The following RGL1 variants were observed in gnomAD, a reference collection of about 807,000 sequenced individuals.
The protein encoded by RGL1 is ral guanine nucleotide dissociation stimulator-like 1.
In RGL1, 24 loss-of-function variants were observed where a neutral mutation model predicts 95.2. That is an observed-to-expected ratio of 0.25 (90% CI 0.18 to 0.35). The LOEUF (loss-of-function observed/expected upper bound fraction) is 0.35. Among genes scored for constraint, RGL1 ranks in the 10% least tolerant of loss-of-function variants. The pLI is 1.00. For missense variants in RGL1, 715 were observed against 936.3 expected, an observed-to-expected ratio of 0.76 and a Z score of 3.08; for synonymous variants, 329 against 344.9, an observed-to-expected ratio of 0.95 and a Z score of 0.51.
rs549333734 is a variant in RGL1, at chr1:183,925,824, C to T, written c.2120-281C>T. Among the ~76,000 whole-genome samples, 135 of 152,250 alleles carry T rather than the reference C, an allele frequency of 8.9e-4. No individual in the cohort carries two copies. In the Middle Eastern group the frequency reaches 0.01, roughly 12 times the overall value. The stretch of plus-strand genomic sequence containing the variant: ...CTTTAACTTTTCTTGGCCTCTGTTT[C>T]CTACTGTACTTTTTTTCTAGTTTTA... On this transcript the variant is annotated intron_variant, in intron 17 of 17. Coordinates refer to ENST00000360851, the MANE Select transcript of RGL1 (RefSeq NM_001297671.3).
rs1572264826 is a variant in RGL1, at chr1:183,679,122, A to T, written c.-33+42621A>T. ...TGAGATGTGAGGGTCAGGTTGCTTC[A>T]GCAGAGCCTAAAACTTAGTCTTTCC... On this transcript the variant is annotated intron_variant, in intron 1 of 18. Coordinates refer to the RGL1 transcript ENST00000304685. Among the ~76,000 whole-genome samples the T allele has an allele frequency of 3.3e-5, 5 of 152,358 alleles. No homozygotes were observed. In the South Asian group the frequency reaches 1.0e-3, roughly 32 times the overall value.
chr1:183,767,228 C>CAAAAAAAA (rs11300092), intron 2 of RGL1, among the ~76,000 whole-genome samples: 1 of 102,304 alleles, frequency 9.8e-6, no homozygotes, highest in Non-Finnish European at 2.0e-5. Flanking sequence ...GACCCTGTCT[C>CAAAAAAAA]AAAAAAAAAA....
chr1:183,655,417 A>C (rs1214191005), intron 1 of RGL1, among the ~76,000 whole-genome samples: 9 of 152,246 alleles, frequency 5.9e-5, no homozygotes. Context: ...TCACTTTAGT[A>C]GCAGTTTGGT....
chr1:183,892,092 G>A lies in RGL1; in HGVS notation c.1071G>A (p.Met357Ile), dbSNP rs1408706386. ...WAAVPRDRML[M>I]FEELSDIFSD... ...CTTTTCATAGGGACCGAATGCTGAT[G>A]TTTGAAGAACTTTCAGATATCTTCT... Residue 357 changes from methionine (M) to isoleucine (I), a missense_variant, in exon 9 of 18, where the codon ATG becomes ATA. Met to Ile is a conservative substitution (Grantham distance 10). This residue lies in a region of RGL1 where 381 missense variants were observed against 484.8 expected (regional missense o/e 0.79). Transcript: ENST00000360851. The A allele has an allele frequency of 1.2e-6, 2 of 1,612,262 alleles. No homozygotes were observed. Among genetic ancestry groups the A allele is most frequent in the Non-Finnish European group, 1.7e-6 (2 of 1,178,902 alleles).
intron 2 of RGL1, among the ~76,000 whole-genome samples, chr1:183,785,985 G>A (rs1660137422): frequency 6.6e-6 from 1 of 151,912 alleles, no homozygotes; most frequent in Non-Finnish European, 1.5e-5. Context: ...GGTTAAGGCA[G>A]GAGGATCGCT....
At chr1:183,800,665 C>T (rs1420114818), upstream of RGL1, among the ~76,000 whole-genome samples, 3 of 152,164 alleles carry the variant, frequency 2.0e-5, no homozygotes, top group African/African-American at 2.4e-5. Context: ...ATCTGCCCCT[C>T]TCTCCAGCCC....
chr1:183,847,373 C>T (rs1289225162), intron 2 of RGL1, among the ~76,000 whole-genome samples, 193 bp from the exon 3 acceptor site: 2 of 152,006 alleles, frequency 1.3e-5, no homozygotes, highest in African/African-American at 2.4e-5. Flanking sequence ...GAGGATCACT[C>T]GAGCCCAGGA....
At chr1:183,782,647 G>A (rs981180909) in intron 2 of RGL1, among the ~76,000 whole-genome samples, 8 of 152,202 alleles carry the variant, frequency 5.3e-5, no homozygotes, top group African/African-American at 1.7e-4. Flanking sequence ...AGACAGAATA[G>A]ATATTGTGGT....
At chr1:183,659,709 C>A (rs1259464199) in intron 1 of RGL1, among the ~76,000 whole-genome samples, 1 of 151,762 alleles carries the variant, frequency 6.6e-6, no homozygotes, top group Non-Finnish European at 1.5e-5. Context: ...ACAGAGAACA[C>A]CACAAAGATA....
At chr1:183,761,311 G>A (rs1393652268) in intron 2 of RGL1, among the ~76,000 whole-genome samples, 1 of 152,166 alleles carries the variant, frequency 6.6e-6, no homozygotes, top group East Asian at 1.9e-4. Flanking sequence ...CCTATGAAAT[G>A]ATATTGTGTT....
chr1:183,784,409 C>T (rs1660050962), intron 2 of RGL1, among the ~76,000 whole-genome samples: 1 of 152,174 alleles, frequency 6.6e-6, no homozygotes, highest in Non-Finnish European at 1.5e-5. Flanking sequence ...CATGGGCAGA[C>T]TTCCAAGCTC....
At chr1:183,821,272 A>G (rs1662473854) in intron 2 of RGL1, among the ~76,000 whole-genome samples, 1 of 152,182 alleles carries the variant, frequency 6.6e-6, no homozygotes, top group Non-Finnish European at 1.5e-5. Flanking sequence ...CTTACTTTTC[A>G]AAATGCAGCT....
intron 1 of RGL1, among the ~76,000 whole-genome samples, chr1:183,673,363 C>G (rs576928494): frequency 6.6e-6 from 1 of 152,326 alleles, no homozygotes; most frequent in Non-Finnish European, 1.5e-5. Flanking sequence ...TCTCATCAAA[C>G]ATGTAGGCTG....
intron 2 of RGL1, among the ~76,000 whole-genome samples, chr1:183,752,152 A>G (rs1658040749): frequency 6.6e-6 from 1 of 152,140 alleles, no homozygotes; most frequent in Non-Finnish European, 1.5e-5. Flanking sequence ...TGGTGGTACC[A>G]ATTTATGCTC....
intron 2 of RGL1, among the ~76,000 whole-genome samples, chr1:183,794,536 A>G (rs1361051572): frequency 1.3e-5 from 2 of 152,224 alleles, no homozygotes; most frequent in Non-Finnish European, 2.9e-5. Context: ...AAACTATCAC[A>G]TGTACCTCAC....
chr1:183,894,950 G>A (rs1239966247), intron 9 of RGL1, among the ~76,000 whole-genome samples: 2 of 152,154 alleles, frequency 1.3e-5, no homozygotes, highest in Non-Finnish European at 2.9e-5. Flanking sequence ...TGAAACCTGG[G>A]TAATTCTAAG....
chr1:183,658,705 A>G lies in RGL1; in HGVS notation c.-33+22204A>G, dbSNP rs562690948. On this transcript the variant is annotated intron_variant, in intron 1 of 18. Coordinates refer to the RGL1 transcript ENST00000304685. ...CCTGTCTGACAGCTTTGAAGAGAGCAGTGGTTCTCCCAGCACACAGCTGGA... is the reference window on the plus strand; with the variant it reads ...CCTGTCTGACAGCTTTGAAGAGAGCGGTGGTTCTCCCAGCACACAGCTGGA... 1.0e-3 allele frequency among the ~76,000 whole-genome samples: 158 copies of G among 152,212 alleles called. 4 individuals carry two copies. The South Asian group carries it at 0.032, about 31-fold the overall frequency.
intron 2 of RGL1, among the ~76,000 whole-genome samples, chr1:183,791,023 T>C (rs532714753): frequency 6.6e-6 from 1 of 152,242 alleles, no homozygotes; most frequent in East Asian, 1.9e-4. Context: ...TGCAGCTTTC[T>C]AGAGCATTAG....
intron 11 of RGL1, among the ~76,000 whole-genome samples, chr1:183,902,180 T>A (rs1212432302): frequency 6.6e-6 from 1 of 152,238 alleles, no homozygotes; most frequent in Non-Finnish European, 1.5e-5. Flanking sequence ...GAGAAATGAC[T>A]TCCCTTTTGA....
Sources: gnomAD v4.1 joint callset for allele counts (sites outside exome capture counted in the v4.1 genomes callset) on GRCh38, gnomAD v4.1.1 for gene constraint, gnomAD v4.1.1 regional missense constraint, MANE v1.5 for transcripts, NCBI Gene and HGNC (gene_info 2026-07-23, HGNC 2026-07-21) for gene names.